Variants in RHAG observed in about 807,000 individuals in gnomAD.
The protein encoded by RHAG is ammonium transporter Rh type A.
A neutral mutation model predicts 42.4 loss-of-function variants in RHAG; 25 were observed. The ratio of observed to expected loss-of-function variants is 0.59; its 90% CI spans 0.43 to 0.82. The LOEUF is 0.82. Ranked by LOEUF, RHAG falls within the 40% of genes least tolerant of loss-of-function variation. RHAG has a pLI of 0.00. For synonymous variants in RHAG, 182 were observed against 177.7 expected, an observed-to-expected ratio of 1.02 and a Z score of -0.19; for missense variants, 483 against 504.6, an observed-to-expected ratio of 0.96 and a Z score of 0.41.
chr6:49,615,403 T>C (rs1762637757), intron 4 of RHAG: 2 of 403,746 alleles, frequency 5.0e-6, no homozygotes, highest in African/African-American at 2.0e-5. Flanking sequence ...ATTATTATTA[T>C]TATTTTTTAG....
At chr6:49,636,603 T>C (rs1763012880) in intron 1 of RHAG, 53 bp downstream of exon 1, 1 of 1,570,028 alleles carries the variant, frequency 6.4e-7, no homozygotes, top group Non-Finnish European at 8.8e-7. Flanking sequence ...TTTTACATTC[T>C]GAGAAACCGA....
At chr6:49,606,957 C>G (rs774860927) in intron 8 of RHAG, 36 bp from the exon 9 acceptor site, 1 of 1,482,344 alleles carries the variant, frequency 6.7e-7, no homozygotes, top group East Asian at 2.3e-5. Context: ...CATGTTGTGA[C>G]GCTGAAGAGG....
At chr6:49,625,776 C>A (rs1762833888) in intron 1 of RHAG, among the ~76,000 whole-genome samples, 1 of 152,090 alleles carries the variant, frequency 6.6e-6, no homozygotes. Context: ...AAAGACATAC[C>A]CAGGACTGGG....
intron 1 of RHAG, among the ~76,000 whole-genome samples, chr6:49,629,973 C>G (rs9463525): frequency 0.23 from 34,291 of 152,126 alleles, 4,217 homozygotes; most frequent in African/African-American, 0.32. Context: ...CTCAGGCCTT[C>G]GCCAGCCCAG....
At chr6:49,620,319 A>T (rs1276665404) in intron 1 of RHAG, among the ~76,000 whole-genome samples, 1 of 152,216 alleles carries the variant, frequency 6.6e-6, no homozygotes, top group Non-Finnish European at 1.5e-5. Context: ...CCAATAAAAC[A>T]TATGATCAAA....
chr6:49,609,221 C>T (rs1430071660), intron 7 of RHAG, among the ~76,000 whole-genome samples: 4 of 151,818 alleles, frequency 2.6e-5, no homozygotes, highest in South Asian at 2.1e-4. Flanking sequence ...AGGCTTGCCC[C>T]CCTTCCCCTC....
Position 49,607,209 on chromosome 6 carries a change from A to T in RHAG, c.1079T>A (p.Met360Lys). Residue 360 changes from methionine to lysine, a missense_variant, in exon 8 of 10, where the codon ATG becomes AAG. Met to Lys is a moderately conservative substitution (Grantham distance 95). Coordinates refer to ENST00000371175, the MANE Select transcript of RHAG (RefSeq NM_000324.3). The part of the protein sequence containing the change: ...AMGASNTSMA[M>K]QAAALGSSIG... ...AGAGGAACCCAGTGCAGCTGCCTGC[A>T]TGGCCATAGACCTAAGGAAGCAAAC... is the stretch of plus-strand genomic sequence containing the variant. The T allele has an allele frequency of 6.2e-7, 1 of 1,613,560 alleles. No individual in the cohort carries two copies. The highest frequency in any genetic ancestry group is 8.5e-7 in the Non-Finnish European group (1 of 1,179,706).
At chr6:49,610,762 C>G (rs915363004) in intron 7 of RHAG, among the ~76,000 whole-genome samples, 1 of 152,196 alleles carries the variant, frequency 6.6e-6, no homozygotes, top group Non-Finnish European at 1.5e-5. Flanking sequence ...TATCAAATTT[C>G]CCTGTCTGCT....
intron 1 of RHAG, among the ~76,000 whole-genome samples, chr6:49,620,277 G>A (rs1037210222): frequency 5.3e-5 from 8 of 152,154 alleles, no homozygotes; most frequent in Non-Finnish European, 1.0e-4. Flanking sequence ...GATCACCTGT[G>A]TAGGAGGATT....
rs1774151396 is a variant in RHAG, at chr6:49,605,779, T to C, written c.*34A>G. 6.8e-6 allele frequency: 11 copies of C among 1,607,110 alleles called. No individual in the cohort carries two copies. The highest frequency in any genetic ancestry group is 8.5e-6 in the Non-Finnish European group (10 of 1,173,652). Reference sequence around the variant, plus strand: ...GTTTAGACTTCAGGTTCCAGCTGGCTGTGGTCACCATGTCCATGGAACTGA... The same window carrying C: ...GTTTAGACTTCAGGTTCCAGCTGGCCGTGGTCACCATGTCCATGGAACTGA... On this transcript the variant is annotated 3_prime_UTR_variant, in exon 10 of 10. Transcript: ENST00000371175.
chr6:49,620,617 C>T (rs766498018), intron 1 of RHAG, among the ~76,000 whole-genome samples: 7 of 152,092 alleles, frequency 4.6e-5, no homozygotes, highest in African/African-American at 7.2e-5. Flanking sequence ...CTGCAACCTC[C>T]GCCTCCCAAG....
intron 1 of RHAG, among the ~76,000 whole-genome samples, chr6:49,621,260 G>A (rs1762754787): frequency 6.6e-6 from 1 of 152,170 alleles, no homozygotes; most frequent in African/African-American, 2.4e-5. Context: ...TGGCGGTCAG[G>A]AGTGCCGCCA....
chr6:49,618,060 A>G lies in RHAG; in HGVS notation c.492+8T>C, dbSNP rs895861948. 12 of 1,612,974 alleles carry G rather than the reference A, an allele frequency of 7.4e-6. No homozygotes were observed. The highest frequency in any genetic ancestry group is 9.3e-6 in the Non-Finnish European group (11 of 1,179,176). ...AAGCTAGGAAAGTATAAATTTTCTA[A>G]CTCTTACCTTAAATATTTCACTAAC... On this transcript the variant is annotated splice_region_variant and intron_variant, in intron 3 of 9. Transcript: ENST00000371175.
chr6:49,612,670 G>A (rs1762587372), intron 5 of RHAG, 136 bp from the exon 6 acceptor site: 2 of 1,067,048 alleles, frequency 1.9e-6, no homozygotes, highest in East Asian at 5.1e-5. Flanking sequence ...TTAAAAAGAG[G>A]TTTGTTTGGA....
intron 1 of RHAG, among the ~76,000 whole-genome samples, chr6:49,621,864 G>A (rs956449536): frequency 3.3e-5 from 5 of 152,042 alleles, no homozygotes; most frequent in Non-Finnish European, 5.9e-5. Context: ...TTTAGGTCAG[G>A]ACACTGAGAC....
chr6:49,618,248 TAA>T lies in RHAG; in HGVS notation c.342-32_342-31del, dbSNP rs753658035. The T allele has an allele frequency of 1.9e-6, 3 of 1,613,394 alleles. No homozygotes were observed. In the African/African-American group the frequency reaches 4.0e-5, roughly 22 times the overall value. On this transcript the variant is annotated intron_variant, in intron 2 of 9. Transcript: ENST00000371175. ...AGGGAAACAAGAATAAATTGAAGAG[TAA>T]TGCACACCCAACATAAAACTGACCA... is the stretch of plus-strand genomic sequence containing the variant.
intron 7 of RHAG, among the ~76,000 whole-genome samples, chr6:49,609,577 G>A (rs914907633): frequency 6.6e-5 from 10 of 152,176 alleles, no homozygotes; most frequent in African/African-American, 2.4e-4. Context: ...AACTGAAAAA[G>A]ATGTGCATAT....
rs2075714 is a variant in RHAG, at chr6:49,614,904, C to T, written c.641-51G>A. 52,885 of 1,497,002 alleles carry T rather than the reference C, an allele frequency of 0.035. 1,483 individuals carry two copies. Among genetic ancestry groups the T allele is most frequent in the African/African-American group, 0.1 (7,368 of 72,478 alleles). 92.7% of individuals were successfully genotyped at this position (1,497,002 alleles called of 1,614,324 possible). Reference sequence around the variant, plus strand: ...TTAGTTCTGAATATGGAAGACAGTCCAGAGGATGCAGTTTGCTTTATTTAT... The same window carrying T: ...TTAGTTCTGAATATGGAAGACAGTCTAGAGGATGCAGTTTGCTTTATTTAT... On this transcript the variant is annotated intron_variant, in intron 4 of 9. Transcript: ENST00000371175.
intron 1 of RHAG, among the ~76,000 whole-genome samples, chr6:49,636,353 C>T (rs1180497541): frequency 2.0e-5 from 3 of 152,078 alleles, no homozygotes; most frequent in Non-Finnish European, 4.4e-5. Flanking sequence ...CTTTTCTTTG[C>T]AGAACTAGTG....
Sources: allele counts gnomAD v4.1 joint callset (sites outside exome capture counted in the v4.1 genomes callset), GRCh38; gene constraint gnomAD v4.1.1; transcripts MANE v1.5; gene names NCBI Gene and HGNC (gene_info 2026-07-23, HGNC 2026-07-21).